The following SLIT2 variants were observed in gnomAD, a reference collection of about 807,000 sequenced individuals.
The protein encoded by SLIT2 is slit guidance ligand 2.
In SLIT2, 41 loss-of-function variants were observed where a neutral mutation model predicts 185.7. That is an observed-to-expected ratio of 0.22 (90% CI 0.17 to 0.29). The LOEUF is 0.29. SLIT2 is among the 10% of genes least tolerant of loss of function. The pLI is 1.00. For missense variants in SLIT2, 1,571 were observed against 1,909.0 expected, an observed-to-expected ratio of 0.82 and a Z score of 3.30; for synonymous variants, 693 against 680.2, an observed-to-expected ratio of 1.02 and a Z score of -0.29.
intron 4 of SLIT2, among the ~76,000 whole-genome samples, chr4:20,405,531 G>A (rs1295542668): frequency 6.6e-6 from 1 of 151,738 alleles, no homozygotes; most frequent in Non-Finnish European, 1.5e-5. Context: ...CATAGTGTCT[G>A]GCACATAATA....
At chr4:20,511,671 G>A (rs139175237) in intron 11 of SLIT2, among the ~76,000 whole-genome samples, 14,178 of 145,744 alleles carry the variant, frequency 0.097, 1,428 homozygotes, top group African/African-American at 0.26. Context: ...CTCGTGATCC[G>A]CCCGTCTCGG....
intron 4 of SLIT2, among the ~76,000 whole-genome samples, chr4:20,404,617 A>T (rs1474215256): frequency 6.6e-6 from 1 of 152,008 alleles, no homozygotes; most frequent in Non-Finnish European, 1.5e-5. Context: ...GAAAAAGTTC[A>T]CCAACGAATG....
intron 4 of SLIT2, among the ~76,000 whole-genome samples, chr4:20,325,540 A>T (rs1242339065): frequency 6.6e-6 from 1 of 152,060 alleles, no homozygotes; most frequent in African/African-American, 2.4e-5. Context: ...AAATACCTAC[A>T]CCATTCATTC....
At chr4:20,612,172 G>A (rs904385037) in intron 34 of SLIT2, among the ~76,000 whole-genome samples, 2 of 150,950 alleles carry the variant, frequency 1.3e-5, no homozygotes, top group Non-Finnish European at 2.9e-5. Flanking sequence ...GAGCCCAGGA[G>A]GTTGAGGCTG....
chr4:20,526,843 C>G (rs375030343), intron 15 of SLIT2, among the ~76,000 whole-genome samples: 2 of 151,982 alleles, frequency 1.3e-5, no homozygotes, highest in Admixed American at 1.3e-4. Context: ...AATTTGAGTC[C>G]ACCTAACAAG....
At chr4:20,433,670 T>G (rs200906184) in intron 4 of SLIT2, among the ~76,000 whole-genome samples, 2,327 of 152,324 alleles carry the variant, frequency 0.015, 63 homozygotes, top group African/African-American at 0.052. Flanking sequence ...CATGTTCTGT[T>G]GGTGGGCAAG....
intron 4 of SLIT2, among the ~76,000 whole-genome samples, chr4:20,444,738 A>G (rs1032581660): frequency 1.3e-5 from 2 of 152,096 alleles, no homozygotes; most frequent in African/African-American, 4.8e-5. Context: ...TTAAGATAAA[A>G]ATTCTTTAAA....
At chr4:20,355,593 G>A (rs969468657) in intron 4 of SLIT2, among the ~76,000 whole-genome samples, 13 of 152,106 alleles carry the variant, frequency 8.5e-5, no homozygotes, top group African/African-American at 2.9e-4. Flanking sequence ...AGCAAATGCA[G>A]GTGGTCATTG....
At chr4:20,378,832 A>G (rs1724242531) in intron 4 of SLIT2, among the ~76,000 whole-genome samples, 1 of 152,294 alleles carries the variant, frequency 6.6e-6, no homozygotes, top group African/African-American at 2.4e-5. Flanking sequence ...CTTGGAAGCA[A>G]CTAATTTACC....
intron 30 of SLIT2, among the ~76,000 whole-genome samples, chr4:20,593,504 G>A (rs1468833573): frequency 1.3e-5 from 2 of 152,032 alleles, no homozygotes; most frequent in Non-Finnish European, 2.9e-5. Flanking sequence ...GTTGGTCAGT[G>A]GCACAAATTT....
chr4:20,620,390 C>T lies in SLIT2; in HGVS notation c.*1381C>T, dbSNP rs1224391633. On this transcript the variant is annotated 3_prime_UTR_variant, in exon 37 of 37. Transcript: ENST00000504154. ...TTTATAGTGAACTGTGCTCTTCCCTCATTAAAATCCCAGGGTGCCCTGTAA... is the reference window on the plus strand; with the variant it reads ...TTTATAGTGAACTGTGCTCTTCCCTTATTAAAATCCCAGGGTGCCCTGTAA... 3 of 454,964 alleles carry T rather than the reference C, an allele frequency of 6.6e-6. No homozygotes were observed. The highest frequency in any genetic ancestry group is 4.7e-5 in the South Asian group (3 of 64,108). The allele number at this position is 454,964 out of a possible 1,614,324, so 28.2% of individuals were successfully genotyped here.
chr4:20,319,149 G>A (rs1718838349), intron 4 of SLIT2, among the ~76,000 whole-genome samples: 1 of 152,092 alleles, frequency 6.6e-6, no homozygotes, highest in South Asian at 2.1e-4. Flanking sequence ...TTTATTGAGT[G>A]CCAACATTTT....
At chr4:20,322,015 A>G (rs1387223685) in intron 4 of SLIT2, among the ~76,000 whole-genome samples, 3 of 152,152 alleles carry the variant, frequency 2.0e-5, no homozygotes, top group African/African-American at 7.2e-5. Flanking sequence ...CTGAGGCACT[A>G]ACAACTCGTT....
chr4:20,389,834 G>A (rs1354161440), intron 4 of SLIT2, among the ~76,000 whole-genome samples: 3 of 152,232 alleles, frequency 2.0e-5, no homozygotes, highest in Non-Finnish European at 2.9e-5. Context: ...TAGCAATGGA[G>A]GCTCTATTGC....
At chr4:20,363,316 A>G (rs73106801) in intron 4 of SLIT2, among the ~76,000 whole-genome samples, 2,324 of 152,294 alleles carry the variant, frequency 0.015, 40 homozygotes, top group African/African-American at 0.037. Flanking sequence ...ACAAAATACA[A>G]AAAAGATATG....
rs56256520 is a variant in SLIT2 at position 20,463,448 on chromosome 4, GATATATATATATATATATATATAT to G, written c.396-4283_396-4260del. 2.3e-3 allele frequency among the ~76,000 whole-genome samples: 154 copies of G among 67,308 alleles called. 2 individuals are homozygous for G. Among genetic ancestry groups the G allele is most frequent in the East Asian group, 0.011 (37 of 3,486 alleles). The allele number at this position is 67,308 out of a possible 152,430, so 44.2% of individuals were successfully genotyped here. A position where few individuals can be genotyped will look rare whatever the true frequency, so the allele number is the denominator to read the frequency against. On this transcript the variant is annotated intron_variant, in intron 4 of 36. Transcript: ENST00000504154. ...ACTATCTTCATTGACCTCAAACTGT[GATATATATATATATATATATATAT>G]ATATATATATATATATATATGTGTG...
intron 11 of SLIT2, among the ~76,000 whole-genome samples, chr4:20,518,102 C>T (rs1025392333): frequency 3.8e-5 from 5 of 130,712 alleles, no homozygotes; most frequent in South Asian, 2.6e-4. Context: ...TATACACACA[C>T]ATATATATAC....
chr4:20,536,405 A>G (rs1722287918), intron 18 of SLIT2, among the ~76,000 whole-genome samples: 1 of 152,094 alleles, frequency 6.6e-6, no homozygotes, highest in Non-Finnish European at 1.5e-5. Context: ...AAAAAATACA[A>G]AAATTAGCCG....
intron 13 of SLIT2, 52 bp from the exon 14 acceptor site, chr4:20,523,962 G>C: frequency 6.2e-7 from 1 of 1,611,910 alleles, no homozygotes; most frequent in Non-Finnish European, 8.5e-7. Context: ...GAATGTAAGA[G>C]CTGAGTCCAT....
Sources: gnomAD v4.1 joint callset for allele counts (sites outside exome capture counted in the v4.1 genomes callset) on GRCh38, gnomAD v4.1.1 for gene constraint, MANE v1.5 for transcripts, NCBI Gene and HGNC (gene_info 2026-07-23, HGNC 2026-07-21) for gene names.